NCOA5: variants seen among roughly 807,000 people sequenced by gnomAD.
NCOA5 encodes nuclear receptor coactivator 5.
A neutral mutation model predicts 59.0 loss-of-function variants in NCOA5; 12 were observed. The observed-to-expected ratio is 0.20, with a 90% confidence interval of 0.13 to 0.33. The LOEUF (loss-of-function observed/expected upper bound fraction) is 0.33. Among genes scored for constraint, NCOA5 ranks in the 10% least tolerant of loss-of-function variants. The probability of loss-of-function intolerance (pLI) is 1.00; values close to 1 mark genes in which losing one functional copy is unlikely to be tolerated. For missense variants in NCOA5, 655 were observed against 766.6 expected (o/e 0.85, Z 1.72); for synonymous variants, 270 against 275.5 (o/e 0.98, Z 0.20).
chr20:46,085,682 G>A (rs942546547), intron 1 of NCOA5, among the ~76,000 whole-genome samples: 1 of 152,158 alleles, frequency 6.6e-6, no homozygotes, highest in African/African-American at 2.4e-5. Context: ...TTGGGAACAC[G>A]GGGATAGGAG....
At chr20:46,079,510 A>T in intron 1 of NCOA5, 57 bp from the exon 2 acceptor site, 3 of 1,368,202 alleles carry the variant, frequency 2.2e-6, no homozygotes, top group South Asian at 2.4e-5. Flanking sequence ...CAAGATCATC[A>T]GCACATTTCA....
chr20:46,089,509 G>A (rs1179807475), intron 1 of NCOA5, among the ~76,000 whole-genome samples: 2 of 152,204 alleles, frequency 1.3e-5, no homozygotes, highest in Non-Finnish European at 2.9e-5. Context: ...GAGAAGCCTT[G>A]AGGACTCCTA....
intron 1 of NCOA5, among the ~76,000 whole-genome samples, chr20:46,079,667 T>C (rs1008467964): frequency 2.6e-5 from 4 of 152,202 alleles, no homozygotes; most frequent in Admixed American, 6.5e-5. Context: ...GTCCCTTCGT[T>C]TTCTAGTTAA....
intron 3 of NCOA5, 56 bp from the exon 4 acceptor site, chr20:46,068,694 T>G: frequency 6.4e-7 from 1 of 1,550,408 alleles, no homozygotes; most frequent in East Asian, 2.3e-5. Flanking sequence ...CCTGAAAAAG[T>G]CACCTAGAGA....
intron 2 of NCOA5, among the ~76,000 whole-genome samples, chr20:46,078,750 G>T (rs2084964237): frequency 6.6e-6 from 1 of 152,124 alleles, no homozygotes; most frequent in Non-Finnish European, 1.5e-5. Context: ...TGTGTATCTT[G>T]AGGGTACACA....
intron 1 of NCOA5, among the ~76,000 whole-genome samples, chr20:46,089,010 T>C (rs2085071669): frequency 6.6e-6 from 1 of 152,226 alleles, no homozygotes; most frequent in South Asian, 2.1e-4. Flanking sequence ...AGAGTCAGTT[T>C]GAATTTTTTA....
intron 4 of NCOA5, 67 bp downstream of exon 4, chr20:46,068,435 T>C (rs2084846910): frequency 4.6e-6 from 7 of 1,523,436 alleles, no homozygotes; most frequent in Non-Finnish European, 5.3e-6. Context: ...GTACTGGTTA[T>C]TAGTTTCCTC....
intron 1 of NCOA5, among the ~76,000 whole-genome samples, chr20:46,088,500 CAT>C (rs2085066119): frequency 6.6e-6 from 1 of 152,316 alleles, no homozygotes; most frequent in Non-Finnish European, 1.5e-5. Context: ...CAGACTGACT[CAT>C]AGAGAAAACA....
chr20:46,080,649 T>TA (rs2084983212), intron 1 of NCOA5, among the ~76,000 whole-genome samples: 1 of 152,178 alleles, frequency 6.6e-6, no homozygotes, highest in Non-Finnish European at 1.5e-5. Context: ...CAAATGAAGG[T>TA]AATCTTCAAT....
intron 1 of NCOA5, among the ~76,000 whole-genome samples, chr20:46,084,255 AGAGCT>A (rs1189031681): frequency 6.6e-6 from 1 of 152,246 alleles, no homozygotes; most frequent in Non-Finnish European, 1.5e-5. Flanking sequence ...ATCAGGAGGC[AGAGCT>A]GAGACTCAGA....
chr20:46,074,634 G>A (rs780191360), intron 2 of NCOA5, among the ~76,000 whole-genome samples: 6 of 152,232 alleles, frequency 3.9e-5, no homozygotes, highest in Non-Finnish European at 8.8e-5. Flanking sequence ...ACGTAAGGGC[G>A]AAAGGGGTGA....
chr20:46,065,005 A>G, intron 6 of NCOA5, 24 bp downstream of exon 6: 1 of 1,612,976 alleles, frequency 6.2e-7, no homozygotes, highest in Non-Finnish European at 8.5e-7. Context: ...ACTAGTGACT[A>G]CCTCCGGTAT....
chr20:46,086,776 G>A (rs1217140159), intron 1 of NCOA5, among the ~76,000 whole-genome samples: 2 of 152,198 alleles, frequency 1.3e-5, no homozygotes, highest in African/African-American at 4.8e-5. Flanking sequence ...GAAATACAGC[G>A]TAGTAGAAAG....
At chr20:46,089,272 G>A (rs958047318) in intron 1 of NCOA5, among the ~76,000 whole-genome samples, 2 of 152,070 alleles carry the variant, frequency 1.3e-5, no homozygotes, top group African/African-American at 4.8e-5. Context: ...AACGCGTGGG[G>A]TGTCACACCA....
At chr20:46,063,224 A>G (rs998912628) in intron 7 of NCOA5, 136 bp downstream of exon 7, 150 of 817,284 alleles carry the variant, frequency 1.8e-4, no homozygotes, top group Admixed American at 4.5e-4. Context: ...TGGGTGGCCC[A>G]CGGGAGAACC....
chr20:46,087,423 A>C (rs2085056076), intron 1 of NCOA5, among the ~76,000 whole-genome samples: 1 of 152,234 alleles, frequency 6.6e-6, no homozygotes. Flanking sequence ...GTTTCAAACC[A>C]ATAAATCTTT....
chr20:46,081,074 G>A (rs2084987149), intron 1 of NCOA5, among the ~76,000 whole-genome samples: 1 of 152,098 alleles, frequency 6.6e-6, no homozygotes, highest in Admixed American at 6.5e-5. Context: ...ATGATTCAGA[G>A]AGAAATATAA....
chr20:46,073,178 G>A (rs2084902899), intron 2 of NCOA5, among the ~76,000 whole-genome samples: 1 of 151,844 alleles, frequency 6.6e-6, no homozygotes, highest in South Asian at 2.1e-4. Flanking sequence ...TCATACTTTT[G>A]TCGTCTACCA....
chr20:46,064,320 A>G (rs1490199234), intron 6 of NCOA5, among the ~76,000 whole-genome samples: 2 of 152,196 alleles, frequency 1.3e-5, no homozygotes, highest in Non-Finnish European at 2.9e-5. Context: ...GGGTGAGGCA[A>G]AGAGAGATCC....
Sources: gnomAD v4.1 joint callset for allele counts (sites outside exome capture counted in the v4.1 genomes callset) on GRCh38, gnomAD v4.1.1 for gene constraint, MANE v1.5 for transcripts, NCBI Gene and HGNC (gene_info 2026-07-23, HGNC 2026-07-21) for gene names.